The following XIAP variants were observed in gnomAD, a reference collection of about 807,000 sequenced individuals.
XIAP encodes X-linked inhibitor of apoptosis.
XIAP carries 3 observed loss-of-function variants against 33.1 expected under a neutral mutation model. The ratio of observed to expected loss-of-function variants is 0.09; its 90% CI spans 0.04 to 0.23. XIAP has a LOEUF of 0.23. Among genes scored for constraint, XIAP ranks in the 10% least tolerant of loss-of-function variants. The pLI, the probability that XIAP is intolerant of heterozygous loss-of-function variation, is 1.00. For missense variants in XIAP, 264 were observed against 363.0 expected, an observed-to-expected ratio of 0.73 and a Z score of 2.22; for synonymous variants, 98 against 121.3, an observed-to-expected ratio of 0.81 and a Z score of 1.26.
rs748255094 is a variant in XIAP at position 123,864,635 on chromosome X, A to AGTGTGTGT, written c.-33+4381_-33+4388dup. ...GCACCCGCCACCACACCCGGCTTAG[A>AGTGTGTGT]GTGTGTGTGTGTGTGTGTGTGTGTG... On this transcript the variant is annotated intron_variant, in intron 1 of 6. Transcript: ENST00000371199. Among the ~76,000 whole-genome samples, 391 of 84,642 alleles carry AGTGTGTGT rather than the reference A, an allele frequency of 4.6e-3. 6 individuals carry two copies. Among genetic ancestry groups the AGTGTGTGT allele is most frequent in the African/African-American group, 0.013 (284 of 22,419 alleles). The allele number at this position is 84,642 out of a possible 115,157, so 73.5% of individuals were successfully genotyped here. A position where few individuals can be genotyped will look rare whatever the true frequency, so the allele number is the denominator to read the frequency against.
intron 1 of XIAP, among the ~76,000 whole-genome samples, chrX:123,864,955 T>TA (rs2053120514): frequency 9.3e-6 from 1 of 107,355 alleles, no homozygotes; most frequent in Non-Finnish European, 1.9e-5. Context: ...GTGCTGGGAT[T>TA]ACAGGCGCGA....
intron 2 of XIAP, among the ~76,000 whole-genome samples, chrX:123,887,950 C>G (rs905456261): frequency 1.8e-5 from 2 of 109,092 alleles, no homozygotes; most frequent in Admixed American, 2.0e-4. Context: ...CGCCATTGCA[C>G]TCCAGCCTGG....
chrX:123,881,790 C>G (rs1360833070), intron 1 of XIAP, among the ~76,000 whole-genome samples: 6 of 103,825 alleles, frequency 5.8e-5, no homozygotes, highest in Non-Finnish European at 1.2e-4. Context: ...GAGTCTCACT[C>G]TATCACCCAG....
rs1177510414 is a variant in XIAP, at chrX:123,911,916, G to A, written c.*4735G>A. On this transcript the variant is annotated 3_prime_UTR_variant, in exon 7 of 7. Coordinates refer to ENST00000371199, the MANE Select transcript of XIAP (RefSeq NM_001167.4). ...GAGTATCCAGTTCTTTCATTTTACAGGTGAGGCAACTGAGACTCAAAGGTG... is the reference window on the plus strand; with the variant it reads ...GAGTATCCAGTTCTTTCATTTTACAAGTGAGGCAACTGAGACTCAAAGGTG... The A allele has an allele frequency of 6.1e-6, 2 of 328,981 alleles. No individual in the cohort carries two copies. The highest frequency in any genetic ancestry group is 1.2e-5 in the Non-Finnish European group (2 of 169,949). 27.1% of individuals were successfully genotyped at this position (328,981 alleles called of 1,213,427 possible). A position where few individuals can be genotyped will look rare whatever the true frequency, so the allele number is the denominator to read the frequency against.
At chrX:123,873,928 C>G (rs1043124227) in intron 1 of XIAP, 2 of 100,352 alleles carry the variant, frequency 2.0e-5, no homozygotes, top group African/African-American at 7.5e-5. Flanking sequence ...AGCAAGAGTC[C>G]GTCTGAAAAA....
In XIAP at chrX:123,912,990, A is replaced by C. The variant is rs1569480729; in HGVS notation, c.*5809A>C. 1 of 286,385 alleles carries C rather than the reference A, an allele frequency of 3.5e-6. No homozygotes were observed. The allele number at this position is 286,385 out of a possible 1,213,427, so 23.6% of individuals were successfully genotyped here. ...AGTGACTGGTTTCGCGGTGTTGACC[A>C]GGCTGGTCTCGAACTCCTGATCTCA... On this transcript the variant is annotated 3_prime_UTR_variant, in exon 7 of 7. Transcript: ENST00000371199.
rs911477482 is a variant in XIAP, at chrX:123,913,908, T to C, written c.*6727T>C. 2.9e-5 allele frequency: 9 copies of C among 312,773 alleles called. No homozygotes were observed. The highest frequency in any genetic ancestry group is 1.0e-3 in the Middle Eastern group (1 of 982). The allele number at this position is 312,773 out of a possible 1,213,427, so 25.8% of individuals were successfully genotyped here. A position where few individuals can be genotyped will look rare whatever the true frequency, so the allele number is the denominator to read the frequency against. ...TTCTGCTGTATAATCTGGCATTCATTGTAGATTAAAGCTTATTTTTCTGTG... is the reference window on the plus strand; with the variant it reads ...TTCTGCTGTATAATCTGGCATTCATCGTAGATTAAAGCTTATTTTTCTGTG... On this transcript the variant is annotated 3_prime_UTR_variant, in exon 7 of 7. Transcript: ENST00000371199.
At chrX:123,860,416 G>A (rs1169298106) in intron 1 of XIAP, 123 bp downstream of exon 1, 2 of 288,198 alleles carry the variant, frequency 6.9e-6, no homozygotes, top group Non-Finnish European at 1.4e-5. Context: ...CGGGAAGGCC[G>A]CGCCAGCCCA....
Position 123,885,734 on chromosome X carries a change from A to G in XIAP, c.72A>G (p.Val24=), listed in dbSNP as rs1209504379. 1 of 1,209,791 alleles carries G rather than the reference A, an allele frequency of 8.3e-7. No homozygotes were observed. The highest frequency in any genetic ancestry group is 3.0e-5 in the East Asian group (1 of 33,821). Residue 24 remains valine, a synonymous_variant, in exon 2 of 7, where the codon GTA becomes GTG. Coordinates refer to ENST00000371199, the MANE Select transcript of XIAP (RefSeq NM_001167.4). ...PADINKEEEF[V]EEFNRLKTFA... ...ACATCAATAAGGAAGAAGAATTTGT[A>G]GAAGAGTTTAATAGATTAAAAACTT... is the stretch of plus-strand genomic sequence containing the variant.
At chrX:123,875,983 G>A (rs1286344865) in intron 1 of XIAP, among the ~76,000 whole-genome samples, 2 of 111,912 alleles carry the variant, frequency 1.8e-5, no homozygotes, top group African/African-American at 6.5e-5. Flanking sequence ...ACTGCACCCA[G>A]CCTTCTTATA....
Position 123,885,630 on chromosome X carries a change from G to T in XIAP, c.-32-1G>T. 1.7e-6 allele frequency: 2 copies of T among 1,199,817 alleles called. No homozygotes were observed. The highest frequency in any genetic ancestry group is 2.2e-6 in the Non-Finnish European group (2 of 890,396). ...TTCCTAATATAATGTTCTCTTTTTA[G>T]AAAAGGTGGACAAGTCCTATTTTCA... is the stretch of plus-strand genomic sequence containing the variant. On this transcript the variant is annotated splice_acceptor_variant, in intron 1 of 6. Coordinates refer to ENST00000371199, the MANE Select transcript of XIAP (RefSeq NM_001167.4). LOFTEE classifies it low-confidence loss of function (5UTR_SPLICE).
In XIAP at chrX:123,907,721, C is replaced by T. The variant is rs1190455025; in HGVS notation, c.*540C>T. ...TTAAAGTTATAAACACGTACTTGTG[C>T]GAATTATTTTTTTAAAGTGATTTGC... On this transcript the variant is annotated 3_prime_UTR_variant, in exon 7 of 7. Coordinates refer to ENST00000371199, the MANE Select transcript of XIAP (RefSeq NM_001167.4). 5.3e-6 allele frequency: 2 copies of T among 375,719 alleles called. No individual in the cohort carries two copies. The highest frequency in any genetic ancestry group is 3.0e-5 in the Admixed American group (1 of 33,651). 31.0% of individuals were successfully genotyped at this position (375,719 alleles called of 1,213,427 possible).
Position 123,911,116 on chromosome X carries a change from A to G in XIAP, c.*3935A>G. 3.0e-6 allele frequency: 1 copy of G among 328,894 alleles called. No individual in the cohort carries two copies. Among genetic ancestry groups the G allele is most frequent in the Non-Finnish European group, 5.9e-6 (1 of 169,888 alleles). The allele number at this position is 328,894 out of a possible 1,213,427, so 27.1% of individuals were successfully genotyped here. On this transcript the variant is annotated 3_prime_UTR_variant, in exon 7 of 7. Transcript: ENST00000371199. The stretch of plus-strand genomic sequence containing the variant: ...TCTTGACCTGGAAATTTGGGCTAAA[A>G]CTTAGAAAAAATTCTTACATGATAA...
At chrX:123,902,252 A>G (rs977360682) in intron 6 of XIAP, among the ~76,000 whole-genome samples, 12 of 111,303 alleles carry the variant, frequency 1.1e-4, no homozygotes, top group African/African-American at 3.6e-4. Flanking sequence ...ACAGGAGTCA[A>G]TGGGCGCTCA....
intron 6 of XIAP, among the ~76,000 whole-genome samples, chrX:123,903,554 G>A (rs1266934749): frequency 9.3e-6 from 1 of 107,897 alleles, no homozygotes. Context: ...CTAGGATCAC[G>A]CCGATAGTTG....
At chrX:123,867,738 A>G (rs769917711) in intron 1 of XIAP, among the ~76,000 whole-genome samples, 6 of 98,096 alleles carry the variant, frequency 6.1e-5, no homozygotes, top group Admixed American at 3.5e-4. Flanking sequence ...CATTGGTGCA[A>G]TCTCAGCTCA....
At chrX:123,868,891 T>C (rs2053167449) in intron 1 of XIAP, among the ~76,000 whole-genome samples, 1 of 112,149 alleles carries the variant, frequency 8.9e-6, no homozygotes, top group Non-Finnish European at 1.9e-5. Context: ...TTGTGATACA[T>C]TTGTAGCTCT....
chrX:123,865,007 T>G (rs1383868006), intron 1 of XIAP, among the ~76,000 whole-genome samples: 7 of 99,239 alleles, frequency 7.1e-5, no homozygotes, highest in African/African-American at 2.6e-4. Flanking sequence ...TTTTTTTTTT[T>G]GCTTTTTTAT....
In XIAP at chrX:123,895,086, A is replaced by G. The variant is rs764066888; in HGVS notation, c.1099+2313A>G. 1.2e-4 allele frequency among the ~76,000 whole-genome samples: 13 copies of G among 112,106 alleles called. No homozygotes were observed. In the East Asian group the frequency reaches 1.4e-3, roughly 12 times the overall value. On this transcript the variant is annotated intron_variant, in intron 5 of 6. Coordinates refer to ENST00000371199, the MANE Select transcript of XIAP (RefSeq NM_001167.4). The stretch of plus-strand genomic sequence containing the variant: ...TACTACTATTTAATTGCAGAACACT[A>G]TCATTACCCCAACAAGAAACTCCAT...
Sources: allele counts gnomAD v4.1 joint callset (sites outside exome capture counted in the v4.1 genomes callset), GRCh38; gene constraint gnomAD v4.1.1; transcripts MANE v1.5; gene names NCBI Gene and HGNC (gene_info 2026-07-23, HGNC 2026-07-21).